The following PABIR2 variants were observed in gnomAD, a reference collection of about 807,000 sequenced individuals.
The protein encoded by PABIR2 is PABIR family member 2.
PABIR2 carries 7 observed loss-of-function variants against 22.8 expected under a neutral mutation model. The ratio of observed to expected loss-of-function variants is 0.31; its 90% CI spans 0.17 to 0.58. The LOEUF (loss-of-function observed/expected upper bound fraction) is 0.58. PABIR2 is among the 20% of genes least tolerant of loss of function. PABIR2 has a pLI of 0.89. For missense variants in PABIR2, 155 were observed against 205.1 expected (o/e 0.76, Z 1.49); for synonymous variants, 67 against 73.8 (o/e 0.91, Z 0.47).
intron 7 of PABIR2, 62 bp downstream of exon 7, chrX:134,787,410 A>T (rs1032701762): frequency 4.2e-5 from 47 of 1,116,153 alleles, no homozygotes; most frequent in Non-Finnish European, 5.4e-5. Context: ...ACAAAAAGCT[A>T]ATCTGAGAGA....
intron 9 of PABIR2, among the ~76,000 whole-genome samples, chrX:134,779,366 C>A (rs746090321): frequency 9.0e-6 from 1 of 111,337 alleles, no homozygotes; most frequent in African/African-American, 3.3e-5. Flanking sequence ...GCGGAGGTTG[C>A]AGTGAGTCGA....
At chrX:134,785,545 G>A (rs1005646239) in intron 8 of PABIR2, among the ~76,000 whole-genome samples, 6 of 109,470 alleles carry the variant, frequency 5.5e-5, no homozygotes, top group Admixed American at 2.0e-4. Flanking sequence ...AAGTTCAAGC[G>A]ATTCTCCTGC....
intron 9 of PABIR2, among the ~76,000 whole-genome samples, chrX:134,776,429 C>T (rs1316531870): frequency 9.0e-6 from 1 of 110,734 alleles, no homozygotes; most frequent in Non-Finnish European, 1.9e-5. Flanking sequence ...CACACAGTCT[C>T]ACCCCCAAAA....
At chrX:134,787,600 AG>A in intron 6 of PABIR2, 67 bp from the exon 7 acceptor site, 1 of 570,750 alleles carries the variant, frequency 1.8e-6, no homozygotes, top group Non-Finnish European at 2.6e-6. Context: ...CTAGCACTCC[AG>A]TTTTCTTTCT....
chrX:134,786,059 C>T, intron 7 of PABIR2, 109 bp from the exon 8 acceptor site: 1 of 718,636 alleles, frequency 1.4e-6, no homozygotes, highest in Non-Finnish European at 2.1e-6. Flanking sequence ...TTATCAATGA[C>T]TGAAATGGAA....
chrX:134,796,287 C>T lies in PABIR2; in HGVS notation c.-82G>A. On this transcript the variant is annotated 5_prime_UTR_variant, in exon 1 of 10. Transcript: ENST00000343004. Reference sequence around the variant, plus strand: ...GACTCCCAAGACTCTCACTGCAGGACTGAGCTGCTGGGGACTGGCAGCTGG... The same window carrying T: ...GACTCCCAAGACTCTCACTGCAGGATTGAGCTGCTGGGGACTGGCAGCTGG... The T allele has an allele frequency of 3.5e-6, 2 of 564,702 alleles. No homozygotes were observed. The highest frequency in any genetic ancestry group is 4.8e-6 in the Non-Finnish European group (2 of 416,560). The allele number at this position is 564,702 out of a possible 1,213,427, so 46.5% of individuals were successfully genotyped here. A position where few individuals can be genotyped will look rare whatever the true frequency, so the allele number is the denominator to read the frequency against.
intron 9 of PABIR2, among the ~76,000 whole-genome samples, chrX:134,777,942 G>A (rs1174232606): frequency 1.1e-5 from 1 of 92,918 alleles, no homozygotes; most frequent in Admixed American, 1.2e-4. Flanking sequence ...CAGGCTGGAT[G>A]GAGTGAAGTG....
intron 8 of PABIR2, among the ~76,000 whole-genome samples, 169 bp from the exon 9 acceptor site, chrX:134,782,086 C>T (rs755553879): frequency 8.9e-6 from 1 of 112,491 alleles, no homozygotes; most frequent in South Asian, 3.6e-4. Context: ...TCCACATAAA[C>T]TCAATCAAAA....
intron 9 of PABIR2, 34 bp downstream of exon 9, chrX:134,781,787 C>G (rs781609127): frequency 1.9e-6 from 2 of 1,053,565 alleles, no homozygotes; most frequent in Admixed American, 4.7e-5. Context: ...GGATTATACT[C>G]TAATATACTT....
chrX:134,769,616 A>T lies in PABIR2; in HGVS notation c.*2523T>A, dbSNP rs1479863096. ...TTATTAAATTTGCATTCTAAGATAT[A>T]CACAAGGCCAGCATTTCACAAAACT... On this transcript the variant is annotated 3_prime_UTR_variant, in exon 10 of 10. Transcript: ENST00000343004. 8.9e-6 allele frequency: 1 copy of T among 112,118 alleles called. No homozygotes were observed. Among genetic ancestry groups the T allele is most frequent in the East Asian group, 2.8e-4 (1 of 3,597 alleles). The allele number at this position is 112,118 out of a possible 1,213,427, so 9.2% of individuals were successfully genotyped here. A position where few individuals can be genotyped will look rare whatever the true frequency, so the allele number is the denominator to read the frequency against.
chrX:134,775,256 C>T (rs1028682286), intron 9 of PABIR2, among the ~76,000 whole-genome samples: 13 of 111,241 alleles, frequency 1.2e-4, no homozygotes, highest in African/African-American at 3.9e-4. Flanking sequence ...CTTGGCTGGG[C>T]GCGGTGGCTC....
chrX:134,780,825 C>G (rs1450356086), intron 9 of PABIR2, among the ~76,000 whole-genome samples: 4 of 112,078 alleles, frequency 3.6e-5, no homozygotes, highest in Non-Finnish European at 7.5e-5. Flanking sequence ...ACTGAAGGCC[C>G]TTAAAGACCT....
chrX:134,787,820 T>C (rs1169355735), intron 6 of PABIR2, among the ~76,000 whole-genome samples: 1 of 103,699 alleles, frequency 9.6e-6, no homozygotes, highest in African/African-American at 3.5e-5. Flanking sequence ...AATGTAGAGA[T>C]GGGGTCTCGC....
At chrX:134,774,246 T>C (rs1174610675) in intron 9 of PABIR2, among the ~76,000 whole-genome samples, 1 of 112,233 alleles carries the variant, frequency 8.9e-6, no homozygotes, top group Non-Finnish European at 1.9e-5. Flanking sequence ...ATCCAAGACA[T>C]TGGAAAATCA....
chrX:134,794,003 T>C (rs2079626605), intron 1 of PABIR2, 110 bp from the exon 2 acceptor site: 1 of 1,113,687 alleles, frequency 9.0e-7, no homozygotes, highest in Non-Finnish European at 1.2e-6. Context: ...CAACGAAATC[T>C]TCCATGGCTC....
chrX:134,782,259 T>C (rs1371014240), intron 8 of PABIR2, among the ~76,000 whole-genome samples: 2 of 112,234 alleles, frequency 1.8e-5, no homozygotes, highest in East Asian at 2.8e-4. Context: ...ACAGTCAATA[T>C]TGTATGCTAC....
In PABIR2 at chrX:134,771,086, A is replaced by G. The variant is rs1459336148; in HGVS notation, c.*1053T>C. ...GACAAAACAAACAAATCCAATGACA[A>G]AAAGGAATCGGAAAAAAAGCAGCAA... On this transcript the variant is annotated 3_prime_UTR_variant, in exon 10 of 10. Coordinates refer to ENST00000343004, the MANE Select transcript of PABIR2 (RefSeq NM_001387468.1). 9.3e-6 allele frequency: 3 copies of G among 322,204 alleles called. No individual in the cohort carries two copies. Among genetic ancestry groups the G allele is most frequent in the Non-Finnish European group, 1.6e-5 (3 of 188,259 alleles). The allele number at this position is 322,204 out of a possible 1,213,427, so 26.6% of individuals were successfully genotyped here.
At chrX:134,774,370 C>T (rs1042060382) in intron 9 of PABIR2, among the ~76,000 whole-genome samples, 2 of 111,614 alleles carry the variant, frequency 1.8e-5, no homozygotes, top group Non-Finnish European at 3.8e-5. Flanking sequence ...GCCGGGCAAA[C>T]GAAGGACACG....
intron 5 of PABIR2, 117 bp downstream of exon 5, chrX:134,788,968 A>G: frequency 9.5e-7 from 1 of 1,048,426 alleles, no homozygotes; most frequent in Non-Finnish European, 1.3e-6. Flanking sequence ...AGATCAAAAA[A>G]CAAGTATCAA....
Sources: gnomAD v4.1 joint callset for allele counts (sites outside exome capture counted in the v4.1 genomes callset) on GRCh38, gnomAD v4.1.1 for gene constraint, MANE v1.5 for transcripts, NCBI Gene and HGNC (gene_info 2026-07-23, HGNC 2026-07-21) for gene names.